MAGI2: variants seen among roughly 807,000 people sequenced by gnomAD.
MAGI2 encodes the protein membrane associated guanylate kinase, WW and PDZ domain containing 2, also known as membrane-associated guanylate kinase, WW and PDZ domain-containing protein 2.
A neutral mutation model predicts 133.3 loss-of-function variants in MAGI2; 35 were observed. That is an observed-to-expected ratio of 0.26 (90% CI 0.20 to 0.35). The LOEUF is 0.35. Among genes scored for constraint, MAGI2 ranks in the 10% least tolerant of loss-of-function variants. The probability of loss-of-function intolerance (pLI) is 1.00; values close to 1 mark genes in which losing one functional copy is unlikely to be tolerated. For synonymous variants in MAGI2, 729 were observed against 710.6 expected, an observed-to-expected ratio of 1.03 and a Z score of -0.41; for missense variants, 1,636 against 1,863.4, an observed-to-expected ratio of 0.88 and a Z score of 2.25.
chr7:78,676,348 A>G (rs1226572755), intron 2 of MAGI2, among the ~76,000 whole-genome samples: 2 of 152,172 alleles, frequency 1.3e-5, no homozygotes, highest in African/African-American at 2.4e-5. Context: ...AATTGTTTAG[A>G]TTCTCACACT....
chr7:79,030,739 C>G (rs1327359444), intron 1 of MAGI2, among the ~76,000 whole-genome samples: 2 of 152,140 alleles, frequency 1.3e-5, no homozygotes, highest in African/African-American at 4.8e-5. Context: ...TCAGGAGATA[C>G]TCTGAAAATC....
intron 2 of MAGI2, among the ~76,000 whole-genome samples, chr7:78,659,280 C>T (rs1359672463): frequency 6.6e-6 from 1 of 151,878 alleles, no homozygotes; most frequent in Non-Finnish European, 1.5e-5. Flanking sequence ...GAAACCCCAT[C>T]TCTATTAAAA....
intron 1 of MAGI2, among the ~76,000 whole-genome samples, chr7:79,360,036 T>C (rs1454899621): frequency 6.6e-6 from 1 of 152,152 alleles, no homozygotes; most frequent in Non-Finnish European, 1.5e-5. Flanking sequence ...ATCAGAATTA[T>C]CCATTTCAAA....
chr7:78,410,522 CT>C (rs1325128109), intron 6 of MAGI2, among the ~76,000 whole-genome samples: 1 of 151,984 alleles, frequency 6.6e-6, no homozygotes, highest in African/African-American at 2.4e-5. Flanking sequence ...AATACTTTGG[CT>C]TTAAAAAAAT....
chr7:78,277,686 C>T (rs527752256), intron 9 of MAGI2, among the ~76,000 whole-genome samples: 5 of 152,210 alleles, frequency 3.3e-5, no homozygotes, highest in South Asian at 2.1e-4. Flanking sequence ...CTGTTTACAA[C>T]GTGGCAACAG....
chr7:78,746,211 T>C (rs1415331252), intron 2 of MAGI2, among the ~76,000 whole-genome samples: 3 of 152,216 alleles, frequency 2.0e-5, no homozygotes, highest in Non-Finnish European at 2.9e-5. Flanking sequence ...TTTTGTAGAC[T>C]GTCATTTCAC....
intron 1 of MAGI2, among the ~76,000 whole-genome samples, chr7:79,406,345 A>AT (rs1012353013): frequency 6.6e-6 from 1 of 152,108 alleles, no homozygotes; most frequent in African/African-American, 2.4e-5. Flanking sequence ...ATTTTGCATT[A>AT]TTTCAATCAT....
chr7:78,317,905 CAG>C (rs1207087589), intron 9 of MAGI2, among the ~76,000 whole-genome samples: 3 of 152,142 alleles, frequency 2.0e-5, no homozygotes, highest in Non-Finnish European at 4.4e-5. Context: ...AACTAACAAA[CAG>C]AAAGGAATAG....
chr7:78,399,505 C>CA (rs1796655362), intron 6 of MAGI2, among the ~76,000 whole-genome samples: 1 of 151,886 alleles, frequency 6.6e-6, no homozygotes, highest in African/African-American at 2.4e-5. Context: ...AGTAGTTTAC[C>CA]AAAAAAGGCA....
At chr7:78,607,736 A>G (rs888197330) in intron 3 of MAGI2, among the ~76,000 whole-genome samples, 1 of 152,182 alleles carries the variant, frequency 6.6e-6, no homozygotes, top group Admixed American at 6.5e-5. Context: ...ACCAGACTAC[A>G]GCAAAATGCC....
At chr7:78,307,985 C>T (rs1417523334) in intron 9 of MAGI2, among the ~76,000 whole-genome samples, 1 of 152,090 alleles carries the variant, frequency 6.6e-6, no homozygotes, top group Non-Finnish European at 1.5e-5. Context: ...TTTTGAGAGG[C>T]ATTGGATAAG....
At chr7:79,215,698 G>A (rs1309094349) in intron 1 of MAGI2, among the ~76,000 whole-genome samples, 1 of 151,828 alleles carries the variant, frequency 6.6e-6, no homozygotes, top group Non-Finnish European at 1.5e-5. Context: ...CCAATGTACA[G>A]CTTACATGTA....
chr7:78,409,492 A>T (rs998067425), intron 6 of MAGI2, among the ~76,000 whole-genome samples: 1 of 152,094 alleles, frequency 6.6e-6, no homozygotes, highest in African/African-American at 2.4e-5. Flanking sequence ...AGTCTACTCA[A>T]AGCTAAATTA....
chr7:79,314,054 A>G (rs1476201599), intron 1 of MAGI2, among the ~76,000 whole-genome samples: 1 of 152,116 alleles, frequency 6.6e-6, no homozygotes, highest in Non-Finnish European at 1.5e-5. Flanking sequence ...GCTCACTGCA[A>G]CCTCTGCCTC....
intron 1 of MAGI2, among the ~76,000 whole-genome samples, chr7:79,406,025 C>G (rs987710343): frequency 2.0e-5 from 3 of 151,318 alleles, no homozygotes; most frequent in African/African-American, 4.9e-5. Flanking sequence ...TTTCCTCAGT[C>G]TTATGCATTT....
At chr7:78,983,521 G>C (rs1804969200) in intron 2 of MAGI2, among the ~76,000 whole-genome samples, 1 of 151,860 alleles carries the variant, frequency 6.6e-6, no homozygotes, top group Non-Finnish European at 1.5e-5. Context: ...TCAAAGGATA[G>C]GTTGGGAGTA....
rs771196782 is a variant in MAGI2 at position 78,256,504 on chromosome 7, C to T, written c.1486G>A (p.Val496Ile). 25 of 1,613,738 alleles carry T rather than the reference C, an allele frequency of 1.5e-5. No homozygotes were observed. The highest frequency in any genetic ancestry group is 1.9e-5 in the Non-Finnish European group (22 of 1,179,956). Reference sequence around the variant, plus strand: ...AGGTTGACACTCTGACCAATAGGAACAGACTGGAAAAGTTTGACAACATCT... The same window carrying T: ...AGGTTGACACTCTGACCAATAGGAATAGACTGGAAAAGTTTGACAACATCT... ...HADVVKLFQS[V>I]PIGQSVNLVL... is the part of the protein sequence containing the mutation. Residue 496 changes from valine to isoleucine, a missense_variant, in exon 10 of 22, where the codon GTT (valine) becomes ATT (isoleucine). Coordinates refer to ENST00000354212, the MANE Select transcript of MAGI2 (RefSeq NM_012301.4).
chr7:78,714,154 C>CT (rs1819483166), intron 2 of MAGI2, among the ~76,000 whole-genome samples: 1 of 151,922 alleles, frequency 6.6e-6, no homozygotes, highest in African/African-American at 2.4e-5. Flanking sequence ...AAGACATGGT[C>CT]TTCTAGACAC....
chr7:78,272,522 C>T (rs1350432622), intron 9 of MAGI2, among the ~76,000 whole-genome samples: 1 of 152,072 alleles, frequency 6.6e-6, no homozygotes, highest in Non-Finnish European at 1.5e-5. Context: ...GTTGGTCTGT[C>T]TAATGTTGAC....
Sources: gnomAD v4.1 joint callset for allele counts (sites outside exome capture counted in the v4.1 genomes callset) on GRCh38, gnomAD v4.1.1 for gene constraint, MANE v1.5 for transcripts, NCBI Gene and HGNC (gene_info 2026-07-23, HGNC 2026-07-21) for gene names.